CSMD1: variants seen among roughly 807,000 people sequenced by gnomAD.
CSMD1 encodes CUB and Sushi multiple domains 1.
In CSMD1, 213 loss-of-function variants were observed where a neutral mutation model predicts 417.5. The ratio of observed to expected loss-of-function variants is 0.51; its 90% confidence interval spans 0.46 to 0.57. The LOEUF (loss-of-function observed/expected upper bound fraction) is 0.57. Ranked by LOEUF, CSMD1 falls within the 20% of genes least tolerant of loss-of-function variation. The pLI, the probability that CSMD1 is intolerant of heterozygous loss-of-function variation, is 0.00. For synonymous variants in CSMD1, 2,862 were observed against 1,736.8 expected, an observed-to-expected ratio of 1.65 and a Z score of -16.11; for missense variants, 6,923 against 4,529.7, an observed-to-expected ratio of 1.53 and a Z score of -15.17.
chr8:3,149,551 C>G (rs1819064817), intron 40 of CSMD1, among the ~76,000 whole-genome samples: 1 of 152,166 alleles, frequency 6.6e-6, no homozygotes, highest in African/African-American at 2.4e-5. Flanking sequence ...GATCGTGGCT[C>G]ACTGCAACCT....
chr8:4,637,425 G>A lies in CSMD1; in HGVS notation c.219C>T (p.Ser73=), dbSNP rs775668346. The part of the protein sequence containing the change: ...ITGERNRIQL[S]FHTFALEEDF... The stretch of plus-strand genomic sequence containing the variant: ...CTTCTTCAAGAGCAAAGGTATGGAA[G>A]GACAACTGTATCCTATTGCGCTCGC... Residue 73 remains serine, a synonymous_variant, in exon 2 of 70, where the codon TCC becomes TCT. Coordinates refer to ENST00000635120, the MANE Select transcript of CSMD1 (RefSeq NM_033225.6). The A allele has an allele frequency of 8.7e-6, 14 of 1,613,694 alleles. No homozygotes were observed. The highest frequency in any genetic ancestry group is 1.3e-5 in the African/African-American group (1 of 74,862).
intron 7 of CSMD1, among the ~76,000 whole-genome samples, chr8:3,667,364 G>A (rs1401268342): frequency 6.6e-6 from 1 of 152,090 alleles, no homozygotes; most frequent in East Asian, 1.9e-4. Context: ...TCATGGAGAT[G>A]ACATTTGAGA....
intron 2 of CSMD1, among the ~76,000 whole-genome samples, chr8:4,565,890 A>G (rs1798584658): frequency 1.3e-5 from 2 of 150,162 alleles, no homozygotes; most frequent in African/African-American, 2.5e-5. Flanking sequence ...GAAATATTAA[A>G]TTTTCCTCAT....
At chr8:3,503,019 T>A (rs1488496596) in intron 10 of CSMD1, among the ~76,000 whole-genome samples, 1 of 152,138 alleles carries the variant, frequency 6.6e-6, no homozygotes, top group Non-Finnish European at 1.5e-5. Flanking sequence ...AACTATGTCT[T>A]CTGATCAATT....
At chr8:3,149,020 T>A (rs976255807) in intron 40 of CSMD1, among the ~76,000 whole-genome samples, 1 of 152,236 alleles carries the variant, frequency 6.6e-6, no homozygotes, top group Non-Finnish European at 1.5e-5. Context: ...ACCCTCAGGC[T>A]ATGCAATATC....
chr8:4,235,515 A>T (rs1362815933), intron 3 of CSMD1, among the ~76,000 whole-genome samples: 1 of 152,160 alleles, frequency 6.6e-6, no homozygotes, highest in Non-Finnish European at 1.5e-5. Flanking sequence ...TCTTCTAAGT[A>T]ATGGTACATA....
At chr8:3,212,653 C>T (rs934966454) in intron 30 of CSMD1, among the ~76,000 whole-genome samples, 6 of 151,680 alleles carry the variant, frequency 4.0e-5, no homozygotes, top group African/African-American at 1.5e-4. Flanking sequence ...TACACCTGGC[C>T]TAAGTTCTTA....
chr8:4,896,377 C>G (rs1048682783), intron 1 of CSMD1, among the ~76,000 whole-genome samples: 1 of 152,034 alleles, frequency 6.6e-6, no homozygotes, highest in African/African-American at 2.4e-5. Flanking sequence ...ATTGCTTTTG[C>G]ATTTTCAAAA....
At chr8:4,396,292 T>G (rs1307139464) in intron 3 of CSMD1, among the ~76,000 whole-genome samples, 1 of 139,264 alleles carries the variant, frequency 7.2e-6, no homozygotes, top group African/African-American at 3.0e-5. Flanking sequence ...TGAGACATCA[T>G]CTCTTAAAAG....
chr8:3,609,741 A>T (rs867556719), intron 8 of CSMD1, among the ~76,000 whole-genome samples: 994 of 14,428 alleles, frequency 0.069, 13 homozygotes, highest in African/African-American at 0.14. Context: ...AAGAATTTAA[A>T]AAAAAAAAAA....
intron 3 of CSMD1, among the ~76,000 whole-genome samples, chr8:4,102,790 T>C (rs1338806310): frequency 6.6e-6 from 1 of 152,194 alleles, no homozygotes; most frequent in Non-Finnish European, 1.5e-5. Context: ...GAAGATGATT[T>C]TTCTCCTTCA....
At chr8:3,605,032 G>C (rs1016100338) in intron 8 of CSMD1, among the ~76,000 whole-genome samples, 2 of 151,982 alleles carry the variant, frequency 1.3e-5, no homozygotes, top group African/African-American at 4.8e-5. Context: ...TTCTTTTGAG[G>C]AGTCACTGCT....
chr8:4,810,344 C>G (rs568078946), intron 1 of CSMD1, among the ~76,000 whole-genome samples: 1 of 152,270 alleles, frequency 6.6e-6, no homozygotes, highest in South Asian at 2.1e-4. Flanking sequence ...AAATGCACAG[C>G]TTGCATTTTT....
chr8:3,916,916 AT>A (rs1175876704), intron 5 of CSMD1, among the ~76,000 whole-genome samples: 2 of 150,344 alleles, frequency 1.3e-5, no homozygotes, highest in Non-Finnish European at 3.0e-5. Flanking sequence ...ATTAAAAAAA[AT>A]AACAATAATA....
rs936191952 is a variant in CSMD1 at position 3,245,442 on chromosome 8, C to G, written c.4154-15211G>C. On this transcript the variant is annotated intron_variant, in intron 26 of 69. Transcript: ENST00000635120. Reference sequence around the variant, plus strand: ...AGCATTTTGTTTAGAAAACCTACAACTGGAAGTACTTTCTCAGTTCCTTTG... The same window carrying G: ...AGCATTTTGTTTAGAAAACCTACAAGTGGAAGTACTTTCTCAGTTCCTTTG... Among the ~76,000 whole-genome samples, 4 of 152,210 alleles carry G rather than the reference C, an allele frequency of 2.6e-5. No individual in the cohort carries two copies. The East Asian group carries it at 5.8e-4, about 22-fold the overall frequency.
chr8:4,164,306 A>T (rs906280071), intron 3 of CSMD1, among the ~76,000 whole-genome samples: 2 of 152,204 alleles, frequency 1.3e-5, no homozygotes, highest in African/African-American at 4.8e-5. Context: ...TAAATATAGA[A>T]TCCATCTACA....
Position 4,072,036 on chromosome 8 carries a change from G to A in CSMD1, c.416-39937C>T, listed in dbSNP as rs60269940. Among the ~76,000 whole-genome samples the A allele has an allele frequency of 3.8e-3, 571 of 152,238 alleles. 16 individuals are homozygous for A. In the East Asian group the frequency reaches 0.059, roughly 16 times the overall value. ...GGTTTTGCTGGTTCAGAAAGAAAGT[G>A]GATGTTAGGATAGAGTTTTGGTTTT... On this transcript the variant is annotated intron_variant, in intron 3 of 69. Coordinates refer to ENST00000635120, the MANE Select transcript of CSMD1 (RefSeq NM_033225.6).
At chr8:3,079,306 AGT>A (rs1428457442) in intron 49 of CSMD1, among the ~76,000 whole-genome samples, 1 of 152,214 alleles carries the variant, frequency 6.6e-6, no homozygotes, top group African/African-American at 2.4e-5. Context: ...CCTATATAAA[AGT>A]GTGTGTCTAT....
intron 3 of CSMD1, among the ~76,000 whole-genome samples, chr8:4,310,690 A>C (rs965530920): frequency 6.6e-6 from 1 of 152,172 alleles, no homozygotes; most frequent in Non-Finnish European, 1.5e-5. Flanking sequence ...AAGACACAAC[A>C]ACCATAGAAC....
Sources: allele counts gnomAD v4.1 joint callset (sites outside exome capture counted in the v4.1 genomes callset), GRCh38; gene constraint gnomAD v4.1.1; transcripts MANE v1.5; gene names NCBI Gene and HGNC (gene_info 2026-07-23, HGNC 2026-07-21).